The following ANKRD11 variants were observed in gnomAD, a reference collection of about 807,000 sequenced individuals.
The protein encoded by ANKRD11 is ankyrin repeat domain 11.
Under a neutral mutation model 195.7 loss-of-function variants are expected in ANKRD11, and 17 were observed. The observed-to-expected ratio is 0.09, with a 90% CI of 0.06 to 0.13. The LOEUF (loss-of-function observed/expected upper bound fraction) is 0.13, where lower values mean the gene tolerates loss of function less well. Ranked by LOEUF, ANKRD11 falls within the 10% of genes least tolerant of loss-of-function variation. The pLI, the probability that ANKRD11 is intolerant of heterozygous loss-of-function variation, is 1.00. For missense variants in ANKRD11, 3,735 were observed against 3,566.1 expected (o/e 1.05, Z -1.21); for synonymous variants, 1,953 against 1,528.1 (o/e 1.28, Z -6.49).
At chr16:89,366,784 C>G (rs574752864) in intron 2 of ANKRD11, among the ~76,000 whole-genome samples, 4 of 152,348 alleles carry the variant, frequency 2.6e-5, no homozygotes, top group African/African-American at 4.8e-5. Flanking sequence ...GTCCCACTTC[C>G]GGGGGCACCC....
At chr16:89,450,663 C>G (rs147549314) in intron 1 of ANKRD11, among the ~76,000 whole-genome samples, 1 of 152,132 alleles carries the variant, frequency 6.6e-6, no homozygotes, top group African/African-American at 2.4e-5. Context: ...ATTCTCAAAA[C>G]ATTCTATTTT....
intron 2 of ANKRD11, among the ~76,000 whole-genome samples, chr16:89,389,937 G>A (rs1408823903): frequency 1.1e-4 from 10 of 94,772 alleles, no homozygotes; most frequent in Non-Finnish European, 1.7e-4. Flanking sequence ...CGAGTGTGGC[G>A]GGGAGCACCG....
chr16:89,367,228 C>T (rs781023819), intron 2 of ANKRD11, among the ~76,000 whole-genome samples: 1 of 152,234 alleles, frequency 6.6e-6, no homozygotes, highest in Non-Finnish European at 1.5e-5. Context: ...GTCCACTCCA[C>T]GTGGGAGTTC....
chr16:89,306,179 C>T (rs2036218640), intron 3 of ANKRD11, among the ~76,000 whole-genome samples: 1 of 114,582 alleles, frequency 8.7e-6, no homozygotes, highest in African/African-American at 3.5e-5. Context: ...CGCAGACACG[C>T]GCCACCTACC....
chr16:89,332,427 G>A (rs958195809), intron 2 of ANKRD11, among the ~76,000 whole-genome samples: 6 of 152,144 alleles, frequency 3.9e-5, no homozygotes, highest in African/African-American at 1.2e-4. Flanking sequence ...AGCTCCACAC[G>A]TCCCTCCACA....
intron 1 of ANKRD11, among the ~76,000 whole-genome samples, chr16:89,476,746 C>A (rs72803389): frequency 0.049 from 7,456 of 152,292 alleles, 339 homozygotes; most frequent in East Asian, 0.22. Context: ...AGATGGGGGC[C>A]CAAGGCCCAC....
At chr16:89,305,169 T>C (rs1168652387) in intron 4 of ANKRD11, 37 bp downstream of exon 4, 4 of 1,605,206 alleles carry the variant, frequency 2.5e-6, no homozygotes, top group African/African-American at 2.7e-5. Flanking sequence ...GGGCTGCCTG[T>C]GGAGGGCTGA....
intron 1 of ANKRD11, among the ~76,000 whole-genome samples, chr16:89,444,332 C>T (rs983569616): frequency 6.6e-6 from 1 of 152,186 alleles, no homozygotes; most frequent in African/African-American, 2.4e-5. Context: ...AACCACAACT[C>T]TGAACAGGCT....
At position 89,384,879 on chromosome 16, in the gene ANKRD11, CTTTTTT is replaced by C. The variant is rs869271846; in HGVS notation, c.-60+33399_-60+33404del. On this transcript the variant is annotated intron_variant, in intron 2 of 12. Coordinates refer to ENST00000301030, the MANE Select transcript of ANKRD11 (RefSeq NM_013275.6). ...GGAGCACACAATGAGAAATAGTTTT[CTTTTTT>C]TTTTTTTTTTTTTTTTTTTTTTGAG... 5.4e-3 allele frequency among the ~76,000 whole-genome samples: 272 copies of C among 49,938 alleles called. 5 individuals carry two copies. In the South Asian group the frequency reaches 0.092, roughly 17 times the overall value. 32.8% of individuals were successfully genotyped at this position (49,938 alleles called of 152,430 possible). A position where few individuals can be genotyped will look rare whatever the true frequency, so the allele number is the denominator to read the frequency against.
chr16:89,356,167 C>A (rs1289880351), intron 2 of ANKRD11, among the ~76,000 whole-genome samples: 1 of 152,206 alleles, frequency 6.6e-6, no homozygotes, highest in Admixed American at 6.5e-5. Flanking sequence ...TTTTAATTCT[C>A]ACGTTTCTGA....
chr16:89,473,899 G>T (rs1289038181), intron 1 of ANKRD11, among the ~76,000 whole-genome samples: 3 of 152,192 alleles, frequency 2.0e-5, no homozygotes, highest in African/African-American at 7.2e-5. Context: ...GGTTGCATTA[G>T]GTGGCAAAGT....
intron 2 of ANKRD11, among the ~76,000 whole-genome samples, chr16:89,356,861 TAAAC>T (rs1349768366): frequency 6.7e-6 from 1 of 149,530 alleles, no homozygotes; most frequent in Non-Finnish European, 1.5e-5. Flanking sequence ...ATGCACATAA[TAAAC>T]AACAAAAGCC....
chr16:89,379,810 C>G (rs1175778127), intron 2 of ANKRD11, among the ~76,000 whole-genome samples: 1 of 152,200 alleles, frequency 6.6e-6, no homozygotes, highest in Non-Finnish European at 1.5e-5. Context: ...TTTTAACATT[C>G]TGTTCAGCAA....
At chr16:89,308,011 A>T (rs1597569826) in intron 3 of ANKRD11, among the ~76,000 whole-genome samples, 1 of 151,952 alleles carries the variant, frequency 6.6e-6, no homozygotes, top group East Asian at 1.9e-4. Flanking sequence ...CAAACATGTG[A>T]AGGTTCTACC....
intron 1 of ANKRD11, among the ~76,000 whole-genome samples, chr16:89,437,768 G>A (rs573612928): frequency 1.8e-4 from 27 of 152,090 alleles, no homozygotes; most frequent in Non-Finnish European, 3.5e-4. Flanking sequence ...CCGCTCCTCC[G>A]CCATGCCTCT....
chr16:89,396,391 A>G (rs551315268), intron 2 of ANKRD11, among the ~76,000 whole-genome samples: 12 of 152,292 alleles, frequency 7.9e-5, no homozygotes, highest in Non-Finnish European at 1.8e-4. Context: ...GCCGCAAGAG[A>G]GACCAAAGGG....
chr16:89,448,755 C>T (rs1014810749), intron 1 of ANKRD11, among the ~76,000 whole-genome samples: 4 of 152,158 alleles, frequency 2.6e-5, no homozygotes, highest in South Asian at 2.1e-4. Context: ...CAAGACGAGA[C>T]GGTGCTGGAC....
chr16:89,316,824 G>C, intron 3 of ANKRD11, 109 bp downstream of exon 3: 1 of 1,344,290 alleles, frequency 7.4e-7, no homozygotes, highest in South Asian at 1.3e-5. Flanking sequence ...AGAGGCACGA[G>C]GAAAGGGCCG....
chr16:89,421,150 G>A (rs956531949), intron 1 of ANKRD11, among the ~76,000 whole-genome samples: 21 of 149,498 alleles, frequency 1.4e-4, no homozygotes, highest in Non-Finnish European at 2.5e-4. Flanking sequence ...GTGTGATGAC[G>A]GAGTCAGGGA....
Sources: gnomAD v4.1 joint callset for allele counts (sites outside exome capture counted in the v4.1 genomes callset) on GRCh38, gnomAD v4.1.1 for gene constraint, MANE v1.5 for transcripts, NCBI Gene and HGNC (gene_info 2026-07-23, HGNC 2026-07-21) for gene names.